The following ASTN2 variants were observed in gnomAD, a reference collection of about 807,000 sequenced individuals.
The protein encoded by ASTN2 is astrotactin 2.
In ASTN2, 54 loss-of-function variants were observed where a neutral mutation model predicts 139.8. The observed-to-expected ratio is 0.39, with a 90% CI of 0.31 to 0.48. The LOEUF is 0.48. ASTN2 is among the 20% of genes least tolerant of loss of function. The pLI is 0.95. For missense variants in ASTN2, 1,565 were observed against 1,725.1 expected, an observed-to-expected ratio of 0.91 and a Z score of 1.64; for synonymous variants, 756 against 719.5, an observed-to-expected ratio of 1.05 and a Z score of -0.81.
chr9:116,552,253 T>C (rs938373944), intron 19 of ASTN2: 1 of 152,194 alleles, frequency 6.6e-6, no homozygotes, highest in Non-Finnish European at 1.5e-5. Flanking sequence ...TCATATCTGT[T>C]ACATAGAAAG....
chr9:117,101,135 T>A (rs1437794333), intron 4 of ASTN2, among the ~76,000 whole-genome samples: 1 of 152,184 alleles, frequency 6.6e-6, no homozygotes, highest in Non-Finnish European at 1.5e-5. Flanking sequence ...TTTAACAGAA[T>A]GAAAGGGAGG....
intron 17 of ASTN2, among the ~76,000 whole-genome samples, chr9:116,630,520 G>A (rs1856694443): frequency 6.6e-6 from 1 of 152,148 alleles, no homozygotes; most frequent in Non-Finnish European, 1.5e-5. Context: ...AGGGCAGGTA[G>A]CACATGACAA....
chr9:116,993,890 A>G (rs1161021842), intron 7 of ASTN2, among the ~76,000 whole-genome samples: 7 of 121,954 alleles, frequency 5.7e-5, no homozygotes, highest in Non-Finnish European at 9.0e-5. Flanking sequence ...TAACTATATT[A>G]CTATATATAT....
chr9:117,267,474 G>C (rs1352089134), intron 2 of ASTN2, among the ~76,000 whole-genome samples: 3 of 152,114 alleles, frequency 2.0e-5, no homozygotes, highest in African/African-American at 7.2e-5. Flanking sequence ...TTCATTTCTT[G>C]TTAATATCTC....
intron 13 of ASTN2, among the ~76,000 whole-genome samples, chr9:116,764,266 T>C (rs952291162): frequency 5.3e-5 from 8 of 152,172 alleles, no homozygotes; most frequent in Non-Finnish European, 1.2e-4. Flanking sequence ...TCACCTAAGG[T>C]CCTGCCCCTG....
chr9:117,158,638 G>T (rs971684112), intron 3 of ASTN2, among the ~76,000 whole-genome samples: 2 of 152,004 alleles, frequency 1.3e-5, no homozygotes, highest in Non-Finnish European at 2.9e-5. Flanking sequence ...GAAGGGCATT[G>T]GGTGAGGCCA....
intron 13 of ASTN2, among the ~76,000 whole-genome samples, chr9:116,746,839 G>A (rs935597871): frequency 7.2e-5 from 11 of 152,154 alleles, no homozygotes; most frequent in African/African-American, 2.7e-4. Context: ...GCACTCGAGA[G>A]CAAGAACTAC....
chr9:116,926,948 T>C (rs1834771082), intron 10 of ASTN2, among the ~76,000 whole-genome samples: 1 of 152,116 alleles, frequency 6.6e-6, no homozygotes, highest in African/African-American at 2.4e-5. Flanking sequence ...ATAAGATGTA[T>C]GAAAACAAAG....
chr9:116,638,108 C>T (rs776400801), intron 17 of ASTN2, among the ~76,000 whole-genome samples: 1 of 152,088 alleles, frequency 6.6e-6, no homozygotes, highest in Non-Finnish European at 1.5e-5. Context: ...CCTGTATAAA[C>T]CCTTCTATTT....
At chr9:116,859,659 G>A (rs1260729457) in intron 11 of ASTN2, among the ~76,000 whole-genome samples, 1 of 152,180 alleles carries the variant, frequency 6.6e-6, no homozygotes, top group African/African-American at 2.4e-5. Flanking sequence ...GTTCTAAAAG[G>A]GGTCCCATCC....
intron 1 of ASTN2, among the ~76,000 whole-genome samples, chr9:117,396,941 CTTT>C (rs58488186): frequency 3.3e-4 from 37 of 111,100 alleles, no homozygotes; most frequent in Non-Finnish European, 3.0e-4. Context: ...TCCACTCAAG[CTTT>C]TTTTTTTTTT....
chr9:116,967,445 A>G (rs1158742913), intron 10 of ASTN2, among the ~76,000 whole-genome samples: 2 of 152,164 alleles, frequency 1.3e-5, no homozygotes, highest in Non-Finnish European at 2.9e-5. Flanking sequence ...GGAAAGGAAC[A>G]TTTGTGTGAG....
chr9:116,996,241 G>T (rs1234115680), intron 7 of ASTN2, among the ~76,000 whole-genome samples: 2 of 151,980 alleles, frequency 1.3e-5, no homozygotes, highest in African/African-American at 2.4e-5. Context: ...TATTAGTATA[G>T]TATGGTATAG....
At chr9:116,893,831 C>A (rs1260938107) in intron 10 of ASTN2, among the ~76,000 whole-genome samples, 1 of 152,164 alleles carries the variant, frequency 6.6e-6, no homozygotes, top group Non-Finnish European at 1.5e-5. Flanking sequence ...AAGCCCACTG[C>A]CAGGTTAACT....
rs1847867355 is a variant in ASTN2, at chr9:116,442,433, TGAAAAA to T, written c.3598+14_3598+19del. On this transcript the variant is annotated intron_variant, in intron 21 of 22. Transcript: ENST00000313400. The stretch of plus-strand genomic sequence containing the variant: ...GGAAATATGGGAGTTACTTTGGAGT[TGAAAAA>T]CTGGGTTACCTACCTTCTGCCTTGT... 6.2e-7 allele frequency: 1 copy of T among 1,606,184 alleles called. No homozygotes were observed. Among genetic ancestry groups the T allele is most frequent in the Non-Finnish European group, 8.5e-7 (1 of 1,172,944 alleles).
chr9:116,806,832 T>G (rs1831042324), intron 12 of ASTN2, among the ~76,000 whole-genome samples: 2 of 152,318 alleles, frequency 1.3e-5, no homozygotes, highest in South Asian at 4.1e-4. Context: ...ACAATAATCA[T>G]AATAGTGGTA....
intron 4 of ASTN2, among the ~76,000 whole-genome samples, chr9:117,120,099 A>C (rs1206169817): frequency 6.8e-6 from 1 of 146,004 alleles, no homozygotes; most frequent in Non-Finnish European, 1.5e-5. Flanking sequence ...ATGCTGAAAA[A>C]TTACAAAATA....
chr9:117,310,533 A>C (rs1587935403), intron 1 of ASTN2, among the ~76,000 whole-genome samples: 1 of 152,040 alleles, frequency 6.6e-6, no homozygotes. Context: ...ACCTATCTTC[A>C]CCCCAACCAA....
chr9:116,512,448 C>T lies in ASTN2; in HGVS notation c.3356-24948G>A, dbSNP rs931554718. On this transcript the variant is annotated intron_variant, in intron 19 of 22. Transcript: ENST00000313400. ...TATGTGGTCAATTTTGGAATAAGTG[C>T]GATGTGGTGCTGAGAAGAATGTATA... is the stretch of plus-strand genomic sequence containing the variant. 1.2e-4 allele frequency among the ~76,000 whole-genome samples: 18 copies of T among 152,062 alleles called. No homozygotes were observed. The South Asian group carries it at 1.5e-3, about 12-fold the overall frequency.
Sources: gnomAD v4.1 joint callset for allele counts (sites outside exome capture counted in the v4.1 genomes callset) on GRCh38, gnomAD v4.1.1 for gene constraint, MANE v1.5 for transcripts, NCBI Gene and HGNC (gene_info 2026-07-23, HGNC 2026-07-21) for gene names.